FMN2: variants seen among roughly 807,000 people sequenced by gnomAD.
FMN2 encodes the protein formin-2.
In FMN2, 51 loss-of-function variants were observed where a neutral mutation model predicts 142.3. That is an observed-to-expected ratio of 0.36 (90% CI 0.29 to 0.45). The LOEUF (loss-of-function observed/expected upper bound fraction) is 0.45. Among genes scored for constraint, FMN2 ranks in the 20% least tolerant of loss-of-function variants. The pLI is 1.00. For missense variants in FMN2, 1,936 were observed against 2,122.8 expected, an observed-to-expected ratio of 0.91 and a Z score of 1.73; for synonymous variants, 882 against 869.8, an observed-to-expected ratio of 1.01 and a Z score of -0.25.
At chr1:240,363,497 C>T (rs989636047) in intron 14 of FMN2, among the ~76,000 whole-genome samples, 1 of 152,178 alleles carries the variant, frequency 6.6e-6, no homozygotes, top group Admixed American at 6.5e-5. Flanking sequence ...CCTTGCTTGG[C>T]CCCTCCCAGT....
chr1:240,298,404 G>A (rs1270811430), intron 8 of FMN2, among the ~76,000 whole-genome samples: 2 of 152,152 alleles, frequency 1.3e-5, no homozygotes, highest in Non-Finnish European at 2.9e-5. Flanking sequence ...TTTATCCACA[G>A]CAATAGCTCC....
chr1:240,153,150 G>A lies in FMN2; in HGVS notation c.1783-24771G>A, dbSNP rs76281447. Reference sequence around the variant, plus strand: ...GCACTGGCTGGCTCATTTGTCCTCCGTGGGCTTGGTTCCTAGTTGTTAAGA... The same window carrying A: ...GCACTGGCTGGCTCATTTGTCCTCCATGGGCTTGGTTCCTAGTTGTTAAGA... On this transcript the variant is annotated intron_variant, in intron 2 of 17. Transcript: ENST00000319653. Among the ~76,000 whole-genome samples the A allele has an allele frequency of 1.1e-4, 16 of 152,178 alleles. No homozygotes were observed. The East Asian group carries it at 1.9e-3, about 18-fold the overall frequency.
intron 15 of FMN2, among the ~76,000 whole-genome samples, chr1:240,427,033 C>T (rs1472921252): frequency 1.3e-5 from 2 of 151,926 alleles, no homozygotes; most frequent in African/African-American, 4.8e-5. Flanking sequence ...AGCTACCGTG[C>T]CAGGCCCAAG....
chr1:240,159,974 T>TATACACACACACAC (rs1202421069), intron 2 of FMN2, among the ~76,000 whole-genome samples: 52 of 134,074 alleles, frequency 3.9e-4, no homozygotes, highest in African/African-American at 1.4e-3. Context: ...TATATATATA[T>TATACACACACACAC]ACACACACAC....
intron 14 of FMN2, among the ~76,000 whole-genome samples, chr1:240,356,910 A>T (rs1672291050): frequency 6.7e-6 from 1 of 149,562 alleles, no homozygotes; most frequent in South Asian, 2.1e-4. Flanking sequence ...AGATTGAAAC[A>T]GAACTCTGGT....
intron 14 of FMN2, among the ~76,000 whole-genome samples, chr1:240,367,509 C>G (rs1170826380): frequency 6.6e-6 from 1 of 151,996 alleles, no homozygotes; most frequent in Admixed American, 6.6e-5. Flanking sequence ...GTGGCTCACG[C>G]CTGTAATCCC....
intron 7 of FMN2, among the ~76,000 whole-genome samples, chr1:240,264,625 TGTG>T (rs1238941353): frequency 1.3e-5 from 2 of 152,256 alleles, no homozygotes; most frequent in East Asian, 3.9e-4. Context: ...AGTGAGAACA[TGTG>T]GTGTTCAGTT....
intron 6 of FMN2, among the ~76,000 whole-genome samples, chr1:240,247,849 T>A (rs1454329353): frequency 2.6e-5 from 4 of 152,208 alleles, no homozygotes; most frequent in Non-Finnish European, 5.9e-5. Context: ...TTATGATACA[T>A]CATATTTATA....
chr1:240,324,121 G>A lies in FMN2; in HGVS notation c.4216-4955G>A, dbSNP rs370724495. On this transcript the variant is annotated intron_variant, in intron 8 of 17. Transcript: ENST00000319653. ...TTACCATAATAGTGAGTTGTGGTCC[G>A]CGAGTGATACTTATTTGATGAATTG... Among the ~76,000 whole-genome samples the A allele has an allele frequency of 5.1e-4, 78 of 152,208 alleles. No homozygotes were observed. In the South Asian group the frequency reaches 0.013, roughly 26 times the overall value.
At chr1:240,244,461 T>C (rs558260849) in intron 6 of FMN2, among the ~76,000 whole-genome samples, 2 of 152,342 alleles carry the variant, frequency 1.3e-5, no homozygotes, top group South Asian at 4.1e-4. Flanking sequence ...ATACTATGTT[T>C]AAACTTCCGA....
In FMN2 at chr1:240,184,394, G is replaced by C. The variant is rs550050760; in HGVS notation, c.1931-3813G>C. 2.1e-3 allele frequency among the ~76,000 whole-genome samples: 319 copies of C among 151,608 alleles called. 5 individuals are homozygous for C. In the South Asian group the frequency reaches 0.027, roughly 13 times the overall value. On this transcript the variant is annotated intron_variant, in intron 3 of 17. Transcript: ENST00000319653. ...TGGGACTGCAGGTGCCCACCACCAG[G>C]CCGGCTCATTTTTGTATTTTTAGTA...
chr1:240,460,968 C>T (rs185328601), intron 16 of FMN2, among the ~76,000 whole-genome samples: 2 of 152,064 alleles, frequency 1.3e-5, no homozygotes, highest in African/African-American at 4.8e-5. Flanking sequence ...TTTCAACAAG[C>T]CTTTCAGGTG....
chr1:240,266,942 TAACTC>T (rs1381363320), intron 7 of FMN2, among the ~76,000 whole-genome samples: 1 of 152,106 alleles, frequency 6.6e-6, no homozygotes, highest in Non-Finnish European at 1.5e-5. Context: ...ATATAAAAAT[TAACTC>T]AAGATGGATT....
intron 8 of FMN2, among the ~76,000 whole-genome samples, chr1:240,300,914 A>ATTTTTTTTTT (rs1670177880): frequency 7.4e-6 from 1 of 135,754 alleles, no homozygotes; most frequent in Non-Finnish European, 1.6e-5. Context: ...TTTTTTTCCA[A>ATTTTTTTTTT]CTCCATCTGT....
intron 8 of FMN2, among the ~76,000 whole-genome samples, chr1:240,306,273 T>A (rs950664152): frequency 2.6e-5 from 4 of 152,202 alleles, no homozygotes; most frequent in African/African-American, 4.8e-5. Flanking sequence ...TTTCTTTTTT[T>A]AAAATCCATT....
chr1:240,218,391 G>A (rs1363127161), intron 6 of FMN2, among the ~76,000 whole-genome samples: 1 of 150,238 alleles, frequency 6.7e-6, no homozygotes, highest in Non-Finnish European at 1.5e-5. Context: ...AGGAATTGAA[G>A]AAAGATTATA....
At chr1:240,180,786 C>T (rs984708144) in intron 3 of FMN2, among the ~76,000 whole-genome samples, 2 of 151,714 alleles carry the variant, frequency 1.3e-5, no homozygotes, top group African/African-American at 2.4e-5. Context: ...AAGCTGCTCT[C>T]GAATTCCTGA....
chr1:240,466,946 C>T (rs1472206625), intron 16 of FMN2, among the ~76,000 whole-genome samples: 1 of 152,076 alleles, frequency 6.6e-6, no homozygotes, highest in Admixed American at 6.6e-5. Flanking sequence ...GAAACAAACT[C>T]GGAGTCCTAC....
At position 240,303,349 on chromosome 1, in the gene FMN2, T is replaced by C. The variant is rs116670661; in HGVS notation, c.4215+8466T>C. ...AGCATTTCTTGTGGTACAGATCGAG[T>C]GATAATAAACTTTTCCAGCTTTAGT... On this transcript the variant is annotated intron_variant, in intron 8 of 17. Coordinates refer to ENST00000319653, the MANE Select transcript of FMN2 (RefSeq NM_020066.5). Among the ~76,000 whole-genome samples, 773 of 152,300 alleles carry C rather than the reference T, an allele frequency of 5.1e-3. 1 individual carries two copies. Among genetic ancestry groups the C allele is most frequent in the Non-Finnish European group, 9.3e-3 (632 of 68,020 alleles).
Sources: gnomAD v4.1 joint callset for allele counts (sites outside exome capture counted in the v4.1 genomes callset) on GRCh38, gnomAD v4.1.1 for gene constraint, MANE v1.5 for transcripts, NCBI Gene and HGNC (gene_info 2026-07-23, HGNC 2026-07-21) for gene names.